Variants in PDS5B observed in about 807,000 individuals in gnomAD.
PDS5B encodes PDS5 cohesin associated factor B, also known as sister chromatid cohesion protein PDS5 homolog B.
In PDS5B, 51 loss-of-function variants were observed where a neutral mutation model predicts 184.1. That is an observed-to-expected ratio of 0.28 (90% CI 0.22 to 0.35). The LOEUF (loss-of-function observed/expected upper bound fraction) is 0.35. Among genes scored for constraint, PDS5B ranks in the 10% least tolerant of loss-of-function variants. PDS5B has a pLI of 1.00. For missense variants in PDS5B, 1,180 were observed against 1,723.3 expected (o/e 0.68, Z 5.58); for synonymous variants, 566 against 569.2 (o/e 0.99, Z 0.08).
At chr13:32,600,686 C>T (rs573615329) in intron 1 of PDS5B, among the ~76,000 whole-genome samples, 2 of 152,300 alleles carry the variant, frequency 1.3e-5, no homozygotes, top group East Asian at 3.9e-4. Flanking sequence ...TTGCAGTGAG[C>T]CGAGATCGTG....
At chr13:32,698,781 T>C (rs953307911) in intron 15 of PDS5B, among the ~76,000 whole-genome samples, 6 of 151,632 alleles carry the variant, frequency 4.0e-5, no homozygotes, top group Non-Finnish European at 7.4e-5. Context: ...TTTGAGACAG[T>C]CTCACTCTGT....
At chr13:32,665,299 A>T (rs1950754977) in intron 6 of PDS5B, among the ~76,000 whole-genome samples, 2 of 152,114 alleles carry the variant, frequency 1.3e-5, no homozygotes, top group African/African-American at 4.8e-5. Context: ...TTGAAAATAA[A>T]CGTCTTTGGG....
chr13:32,721,247 C>G (rs971734475), intron 19 of PDS5B, among the ~76,000 whole-genome samples: 1 of 150,156 alleles, frequency 6.7e-6, no homozygotes, highest in East Asian at 2.0e-4. Context: ...ACCTCCCAGA[C>G]GGGGTGGCTG....
intron 1 of PDS5B, among the ~76,000 whole-genome samples, chr13:32,591,810 C>T (rs2057779729): frequency 6.6e-6 from 1 of 152,148 alleles, no homozygotes; most frequent in Admixed American, 6.5e-5. Flanking sequence ...TTGCTGCCCC[C>T]ACCACCTACC....
At chr13:32,681,925 T>A (rs1161577264) in intron 10 of PDS5B, among the ~76,000 whole-genome samples, 1 of 152,174 alleles carries the variant, frequency 6.6e-6, no homozygotes, top group Non-Finnish European at 1.5e-5. Flanking sequence ...GCCCTATTTG[T>A]AATATACAGG....
intron 6 of PDS5B, among the ~76,000 whole-genome samples, chr13:32,666,423 A>G (rs1257892684): frequency 1.3e-5 from 2 of 152,136 alleles, no homozygotes; most frequent in African/African-American, 4.8e-5. Flanking sequence ...ATAGTTAACA[A>G]TAATTTATAT....
chr13:32,644,174 C>T (rs966500008), intron 1 of PDS5B, among the ~76,000 whole-genome samples: 4 of 152,088 alleles, frequency 2.6e-5, no homozygotes, highest in East Asian at 1.9e-4. Context: ...CTGTTGTTAC[C>T]TGTTGGTGAC....
chr13:32,761,889 T>G (rs1170511017), intron 30 of PDS5B, among the ~76,000 whole-genome samples: 1 of 152,228 alleles, frequency 6.6e-6, no homozygotes, highest in Non-Finnish European at 1.5e-5. Context: ...CAAACTGTTT[T>G]CCATAGTGGC....
intron 21 of PDS5B, among the ~76,000 whole-genome samples, chr13:32,737,321 T>C (rs1258767003): frequency 1.3e-5 from 2 of 152,162 alleles, no homozygotes; most frequent in Non-Finnish European, 2.9e-5. Context: ...GGTCACCTTA[T>C]GTCTAGAGTA....
At chr13:32,752,761 G>C (rs992921434) in intron 24 of PDS5B, among the ~76,000 whole-genome samples, 1 of 152,168 alleles carries the variant, frequency 6.6e-6, no homozygotes, top group Admixed American at 6.5e-5. Context: ...CCTGGTTTAA[G>C]TATAGAAGTC....
At chr13:32,623,027 G>A (rs1421147617) in intron 1 of PDS5B, among the ~76,000 whole-genome samples, 1 of 152,132 alleles carries the variant, frequency 6.6e-6, no homozygotes, top group African/African-American at 2.4e-5. Context: ...CAGGGGTCTA[G>A]GGAACGAGTT....
chr13:32,669,199 C>G (rs1473032050), intron 7 of PDS5B, among the ~76,000 whole-genome samples: 1 of 151,936 alleles, frequency 6.6e-6, no homozygotes, highest in African/African-American at 2.4e-5. Context: ...TTCTAAATGA[C>G]TATTTCCATG....
chr13:32,708,389 A>G (rs1452249932), intron 18 of PDS5B, among the ~76,000 whole-genome samples: 3 of 151,894 alleles, frequency 2.0e-5, no homozygotes, highest in Admixed American at 1.3e-4. Flanking sequence ...GAATATTTTG[A>G]TTTTTCTACT....
At chr13:32,590,677 T>C (rs570914979) in intron 1 of PDS5B, among the ~76,000 whole-genome samples, 10 of 152,320 alleles carry the variant, frequency 6.6e-5, no homozygotes, top group African/African-American at 2.4e-4. Context: ...GGATTCTTTC[T>C]CCTCAGAGGT....
chr13:32,753,233 C>CTA (rs1365538851), intron 24 of PDS5B, 99 bp from the exon 25 acceptor site: 1 of 847,524 alleles, frequency 1.2e-6, no homozygotes, highest in African/African-American at 1.7e-5. Flanking sequence ...GATAAACTTG[C>CTA]TACTGTTTAC....
At chr13:32,734,801 C>T (rs144850935) in intron 20 of PDS5B, among the ~76,000 whole-genome samples, 1 of 152,192 alleles carries the variant, frequency 6.6e-6, no homozygotes, top group African/African-American at 2.4e-5. Flanking sequence ...TAGAGTCATC[C>T]TTATGCCCAG....
intron 6 of PDS5B, among the ~76,000 whole-genome samples, chr13:32,667,315 T>G (rs543754716): frequency 6.6e-6 from 1 of 152,188 alleles, no homozygotes; most frequent in African/African-American, 2.4e-5. Flanking sequence ...AGTAATCTGC[T>G]TTTTTACAGC....
At chr13:32,746,619 G>A (rs568507212) in intron 24 of PDS5B, among the ~76,000 whole-genome samples, 20 of 152,258 alleles carry the variant, frequency 1.3e-4, no homozygotes, top group Non-Finnish European at 2.2e-4. Flanking sequence ...GCAGTTCATC[G>A]CTATGCTTGT....
intron 13 of PDS5B, among the ~76,000 whole-genome samples, chr13:32,692,442 T>TTTTG (rs1424672896): frequency 5.1e-5 from 7 of 136,888 alleles, no homozygotes; most frequent in African/African-American, 1.9e-4. Context: ...TTTTTTTTTT[T>TTTTG]GAGATAGAGT....
Sources: allele counts gnomAD v4.1 joint callset (sites outside exome capture counted in the v4.1 genomes callset), GRCh38; gene constraint gnomAD v4.1.1; transcripts MANE v1.5; gene names NCBI Gene and HGNC (gene_info 2026-07-23, HGNC 2026-07-21).